Variants in USP13 observed in about 807,000 individuals in gnomAD.
The protein encoded by USP13 is ubiquitin specific peptidase 13, also known as ubiquitin carboxyl-terminal hydrolase 13.
A neutral mutation model predicts 107.8 loss-of-function variants in USP13; 68 were observed. The ratio of observed to expected loss-of-function variants is 0.63; its 90% CI spans 0.52 to 0.77. USP13 has a LOEUF of 0.77. Ranked by LOEUF, USP13 falls within the 30% of genes least tolerant of loss-of-function variation. The pLI is 0.00. For synonymous variants in USP13, 377 were observed against 389.5 expected (o/e 0.97, Z 0.38); for missense variants, 945 against 1,093.3 (o/e 0.86, Z 1.91).
At chr3:179,769,081 G>C (rs1408149137) in intron 19 of USP13, among the ~76,000 whole-genome samples, 1 of 152,086 alleles carries the variant, frequency 6.6e-6, no homozygotes, top group African/African-American at 2.4e-5. Context: ...GTATAAAAAT[G>C]AATATAAATC....
At chr3:179,734,337 CTATCTT>C (rs1465607182) in intron 10 of USP13, among the ~76,000 whole-genome samples, 1 of 152,158 alleles carries the variant, frequency 6.6e-6, no homozygotes, top group Non-Finnish European at 1.5e-5. Flanking sequence ...AATATTTTCT[CTATCTT>C]TATGCATTCT....
chr3:179,698,202 A>G (rs1285686024), intron 3 of USP13, among the ~76,000 whole-genome samples: 1 of 152,166 alleles, frequency 6.6e-6, no homozygotes, highest in Non-Finnish European at 1.5e-5. Flanking sequence ...CTCAGATTTC[A>G]CAGAAGATCC....
At chr3:179,688,899 G>C (rs140355499) in intron 2 of USP13, among the ~76,000 whole-genome samples, 13 of 152,370 alleles carry the variant, frequency 8.5e-5, no homozygotes, top group Non-Finnish European at 1.5e-4. Flanking sequence ...TCTAAGAGAG[G>C]AGATGTGCAT....
rs1576927945 is a variant in USP13, at chr3:179,690,320, C to T, written c.355+19C>T. 6.2e-7 allele frequency: 1 copy of T among 1,610,562 alleles called. No homozygotes were observed. ...TTTTTAGGTAAATAGTTATCAGTAG[C>T]ATGCTCAGATTTTGTGTTTGTGTGT... is the stretch of plus-strand genomic sequence containing the variant. On this transcript the variant is annotated intron_variant, in intron 3 of 20. Coordinates refer to ENST00000263966, the MANE Select transcript of USP13 (RefSeq NM_003940.3).
chr3:179,699,084 G>A (rs1712415605), intron 3 of USP13, among the ~76,000 whole-genome samples: 1 of 152,042 alleles, frequency 6.6e-6, no homozygotes. Context: ...GGCCAGGCTG[G>A]TCTTGAACTC....
At chr3:179,758,157 G>C (rs112120008) in intron 16 of USP13, among the ~76,000 whole-genome samples, 2 of 152,062 alleles carry the variant, frequency 1.3e-5, no homozygotes, top group Non-Finnish European at 2.9e-5. Flanking sequence ...AAACTTCCTA[G>C]ATCTAGGAAG....
chr3:179,677,631 G>A (rs1049297438), intron 1 of USP13, among the ~76,000 whole-genome samples: 4 of 152,014 alleles, frequency 2.6e-5, no homozygotes, highest in Non-Finnish European at 4.4e-5. Flanking sequence ...TCCCTAATAA[G>A]TAAAAAACTC....
At chr3:179,686,259 C>G (rs1335168532) in intron 2 of USP13, among the ~76,000 whole-genome samples, 1 of 152,174 alleles carries the variant, frequency 6.6e-6, no homozygotes, top group Non-Finnish European at 1.5e-5. Flanking sequence ...AAAAGGGAAT[C>G]CCTGGACAGG....
rs968229189 is a variant in USP13 at position 179,680,896 on chromosome 3, A to T, written c.169-982A>T. On this transcript the variant is annotated intron_variant, in intron 1 of 20. Coordinates refer to ENST00000263966, the MANE Select transcript of USP13 (RefSeq NM_003940.3). ...GTCAAATATCATGTGTCACCAAAAGAAGGGAATAATATCTTTGAAGAACCC... is the reference window on the plus strand; with the variant it reads ...GTCAAATATCATGTGTCACCAAAAGTAGGGAATAATATCTTTGAAGAACCC... Among the ~76,000 whole-genome samples the T allele has an allele frequency of 3.5e-5, 4 of 113,942 alleles. 1 individual carries two copies. The highest frequency in any genetic ancestry group is 1.8e-4 in the Admixed American group (2 of 11,066). 74.8% of individuals were successfully genotyped at this position (113,942 alleles called of 152,430 possible).
intron 19 of USP13, 58 bp from the exon 20 acceptor site, chr3:179,781,681 G>T (rs1715752529): frequency 6.7e-7 from 1 of 1,487,338 alleles, no homozygotes; most frequent in Non-Finnish European, 9.4e-7. Flanking sequence ...ATTCTAACCA[G>T]AAGTGCTCTT....
At chr3:179,684,129 T>C (rs956991830) in intron 2 of USP13, among the ~76,000 whole-genome samples, 7 of 151,760 alleles carry the variant, frequency 4.6e-5, no homozygotes, top group Admixed American at 3.3e-4. Context: ...CCCGGCTAAC[T>C]TTTGTATTTT....
chr3:179,750,537 G>C (rs140164537), intron 13 of USP13, among the ~76,000 whole-genome samples: 145 of 152,018 alleles, frequency 9.5e-4, no homozygotes, highest in Non-Finnish European at 5.7e-4. Context: ...TAAAGCTCCT[G>C]TTTTCTGAAT....
In USP13 at chr3:179,653,431, C is replaced by T. The variant is rs1264429054; in HGVS notation, c.168+38C>T. On this transcript the variant is annotated intron_variant, in intron 1 of 20. Coordinates refer to ENST00000263966, the MANE Select transcript of USP13 (RefSeq NM_003940.3). The surrounding 1 kb of genome is among the most constrained non-coding windows in gnomAD (Gnocchi z 4.0). ...CCTCGGGGGAGGGTCGCGGGGCCGG[C>T]GGCCTGCGGCACGTGAAGCCGGGGG... is the stretch of plus-strand genomic sequence containing the variant. The T allele has an allele frequency of 1.8e-5, 27 of 1,534,812 alleles. No individual in the cohort carries two copies. The highest frequency in any genetic ancestry group is 3.7e-4 in the Middle Eastern group (2 of 5,452).
In USP13 at chr3:179,786,963, A is replaced by G. The variant is rs1577002167; in HGVS notation, c.*2822A>G. The G allele has an allele frequency of 6.6e-6, 1 of 152,318 alleles. No individual in the cohort carries two copies. The highest frequency in any genetic ancestry group is 1.9e-4 in the East Asian group (1 of 5,180). 9.4% of individuals were successfully genotyped at this position (152,318 alleles called of 1,614,324 possible). A position where few individuals can be genotyped will look rare whatever the true frequency, so the allele number is the denominator to read the frequency against. ...ATGTATCAAAGTTTTTATTTTGCCA[A>G]TTGATCTAAATGCCCATATAACTAA... is the stretch of plus-strand genomic sequence containing the variant. On this transcript the variant is annotated 3_prime_UTR_variant, in exon 21 of 21. Transcript: ENST00000263966.
At chr3:179,659,680 C>A (rs1304309457) in intron 1 of USP13, among the ~76,000 whole-genome samples, 1 of 152,128 alleles carries the variant, frequency 6.6e-6, no homozygotes, top group Non-Finnish European at 1.5e-5. Flanking sequence ...ACAAAGATCA[C>A]CCAGAGAGTA....
intron 19 of USP13, among the ~76,000 whole-genome samples, chr3:179,775,691 C>A (rs909158331): frequency 6.6e-6 from 1 of 152,190 alleles, no homozygotes; most frequent in East Asian, 1.9e-4. Context: ...GGCGAGAATT[C>A]GAGTGCAGTG....
chr3:179,757,167 T>G, intron 16 of USP13, 89 bp downstream of exon 16: 1 of 1,446,250 alleles, frequency 6.9e-7, no homozygotes, highest in Non-Finnish European at 9.7e-7. Flanking sequence ...AGAGGCATTG[T>G]TCTGTACGTG....
At chr3:179,715,821 A>G (rs1256148177) in intron 6 of USP13, among the ~76,000 whole-genome samples, 1 of 151,806 alleles carries the variant, frequency 6.6e-6, no homozygotes, top group Non-Finnish European at 1.5e-5. Context: ...ATCTCTCTTC[A>G]TTTTCTCCTC....
intron 14 of USP13, among the ~76,000 whole-genome samples, chr3:179,753,276 C>T (rs530185507): frequency 7.9e-5 from 12 of 152,286 alleles, no homozygotes; most frequent in Admixed American, 5.2e-4. Flanking sequence ...CTAACAGTTA[C>T]GCAGCACTTG....
Sources: allele counts gnomAD v4.1 joint callset (sites outside exome capture counted in the v4.1 genomes callset), GRCh38; gene constraint gnomAD v4.1.1; non-coding constraint Gnocchi (gnomAD v3.1); transcripts MANE v1.5; gene names NCBI Gene and HGNC (gene_info 2026-07-23, HGNC 2026-07-21).